Variants in ANKRD28 observed in about 807,000 individuals in gnomAD.
ANKRD28 encodes the protein serine/threonine-protein phosphatase 6 regulatory ankyrin repeat subunit A.
Under a neutral mutation model 126.5 loss-of-function variants are expected in ANKRD28, and 44 were observed. The observed-to-expected ratio is 0.35, with a 90% CI of 0.27 to 0.45. ANKRD28 has a LOEUF of 0.45. Among genes scored for constraint, ANKRD28 ranks in the 20% least tolerant of loss-of-function variants. The pLI is 1.00. For synonymous variants in ANKRD28, 442 were observed against 468.5 expected (o/e 0.94, Z 0.73); for missense variants, 1,110 against 1,316.6 (o/e 0.84, Z 2.43).
chr3:15,752,392 G>T (rs1427163443), intron 3 of ANKRD28, among the ~76,000 whole-genome samples: 1 of 152,024 alleles, frequency 6.6e-6, no homozygotes, highest in African/African-American at 2.4e-5. Flanking sequence ...GCTTAAGAAA[G>T]AAATTTTTTT....
upstream of ANKRD28, among the ~76,000 whole-genome samples, chr3:15,800,457 T>C (rs2060440436): frequency 6.6e-6 from 1 of 152,108 alleles, no homozygotes; most frequent in Non-Finnish European, 1.5e-5. Context: ...CTGTTATGGA[T>C]ATTTGGGATA....
intron 8 of ANKRD28, among the ~76,000 whole-genome samples, chr3:15,715,188 T>C (rs2126104967): frequency 6.6e-6 from 1 of 152,348 alleles, no homozygotes; most frequent in South Asian, 2.1e-4. Context: ...GTTCCAAATA[T>C]GAAGAAAAAC....
At chr3:15,720,452 A>T (rs2073593203) in intron 8 of ANKRD28, among the ~76,000 whole-genome samples, 1 of 152,222 alleles carries the variant, frequency 6.6e-6, no homozygotes, top group African/African-American at 2.4e-5. Context: ...TGTCACCTCT[A>T]AACACAACAT....
intron 1 of ANKRD28, among the ~76,000 whole-genome samples, chr3:15,851,840 T>C (rs543363336): frequency 1.3e-5 from 2 of 152,344 alleles, no homozygotes; most frequent in African/African-American, 4.8e-5. Flanking sequence ...CACAAATGTT[T>C]GTATCAGCAT....
At chr3:15,780,717 A>G (rs551702560) in intron 2 of ANKRD28, among the ~76,000 whole-genome samples, 43 of 152,310 alleles carry the variant, frequency 2.8e-4, no homozygotes, top group African/African-American at 1.0e-3. Context: ...TGGCATAAAA[A>G]CAGACACAGT....
intron 2 of ANKRD28, among the ~76,000 whole-genome samples, chr3:15,769,787 A>C (rs952314795): frequency 3.3e-5 from 5 of 152,174 alleles, no homozygotes; most frequent in Non-Finnish European, 7.4e-5. Flanking sequence ...CAAACTACTG[A>C]AAAAAGGGAA....
At chr3:15,767,974 A>G (rs1359689633) in intron 2 of ANKRD28, among the ~76,000 whole-genome samples, 1 of 152,142 alleles carries the variant, frequency 6.6e-6, no homozygotes. Context: ...ACAGGCTGGA[A>G]GGCACATGTG....
At chr3:15,780,430 TA>T (rs1212149224) in intron 2 of ANKRD28, among the ~76,000 whole-genome samples, 2 of 151,746 alleles carry the variant, frequency 1.3e-5, no homozygotes, top group African/African-American at 2.4e-5. Flanking sequence ...AAAACACAAA[TA>T]AATGAGAAGA....
chr3:15,765,773 G>T (rs1241339670), intron 3 of ANKRD28, among the ~76,000 whole-genome samples: 1 of 151,164 alleles, frequency 6.6e-6, no homozygotes, highest in East Asian at 1.9e-4. Flanking sequence ...CAGGGAGCTG[G>T]AGGTTGCAGT....
chr3:15,691,270 C>T (rs2068763017), intron 17 of ANKRD28, among the ~76,000 whole-genome samples: 1 of 152,042 alleles, frequency 6.6e-6, no homozygotes, highest in Non-Finnish European at 1.5e-5. Context: ...ATTACAGGCG[C>T]ATGCCACCAT....
At chr3:15,822,375 G>A (rs1191765910) in intron 1 of ANKRD28, among the ~76,000 whole-genome samples, 1 of 152,096 alleles carries the variant, frequency 6.6e-6, no homozygotes, top group Non-Finnish European at 1.5e-5. Context: ...AATGAACAGA[G>A]AATTCAGTGG....
intron 1 of ANKRD28, among the ~76,000 whole-genome samples, chr3:15,841,948 G>A (rs1195630097): frequency 2.0e-5 from 3 of 151,360 alleles, no homozygotes; most frequent in African/African-American, 7.3e-5. Flanking sequence ...CCCAAAGAAA[G>A]GAAATCAGTA....
intron 2 of ANKRD28, among the ~76,000 whole-genome samples, chr3:15,780,000 C>T (rs1307622100): frequency 6.6e-6 from 1 of 152,168 alleles, no homozygotes; most frequent in East Asian, 1.9e-4. Flanking sequence ...TGAAAGCTTT[C>T]TTCTAAGACG....
intron 1 of ANKRD28, among the ~76,000 whole-genome samples, chr3:15,795,621 C>A (rs1396867564): frequency 6.6e-6 from 1 of 152,112 alleles, no homozygotes; most frequent in Non-Finnish European, 1.5e-5. Flanking sequence ...CTTCCAAATA[C>A]AAATGTGTGA....
intron 1 of ANKRD28, among the ~76,000 whole-genome samples, chr3:15,841,847 C>A (rs1448565059): frequency 6.6e-6 from 1 of 152,020 alleles, no homozygotes; most frequent in Middle Eastern, 3.2e-3. Flanking sequence ...ACTAGTACAA[C>A]CACTAGGGAG....
At chr3:15,705,981 A>T (rs1476696958) in intron 14 of ANKRD28, among the ~76,000 whole-genome samples, 1 of 152,152 alleles carries the variant, frequency 6.6e-6, no homozygotes, top group Non-Finnish European at 1.5e-5. Context: ...ACCCTGGGCG[A>T]CAAAGCAAGA....
chr3:15,847,230 A>C (rs1484143686), intron 1 of ANKRD28, among the ~76,000 whole-genome samples: 2 of 152,224 alleles, frequency 1.3e-5, no homozygotes, highest in Non-Finnish European at 2.9e-5. Flanking sequence ...ATTTAAAAGA[A>C]TGTACTAAAT....
upstream of ANKRD28, among the ~76,000 whole-genome samples, chr3:15,799,702 G>A (rs2060419719): frequency 6.6e-6 from 1 of 151,932 alleles, no homozygotes; most frequent in Non-Finnish European, 1.5e-5. Context: ...TTGTTCCAAA[G>A]TATCTAGTAC....
At chr3:15,720,074 G>T (rs1046498591) in intron 8 of ANKRD28, among the ~76,000 whole-genome samples, 3 of 151,874 alleles carry the variant, frequency 2.0e-5, no homozygotes, top group African/African-American at 7.3e-5. Flanking sequence ...ATGCTGTCCA[G>T]GCTAGTCCTG....
Sources: gnomAD v4.1 joint callset for allele counts (sites outside exome capture counted in the v4.1 genomes callset) on GRCh38, gnomAD v4.1.1 for gene constraint, MANE v1.5 for transcripts, NCBI Gene and HGNC (gene_info 2026-07-23, HGNC 2026-07-21) for gene names.